ATP6V1A: variants seen among roughly 807,000 people sequenced by gnomAD.
ATP6V1A encodes the protein ATPase H+ transporting V1 subunit A, also known as V-type proton ATPase catalytic subunit A.
ATP6V1A carries 18 observed loss-of-function variants against 70.1 expected under a neutral mutation model. The observed-to-expected ratio is 0.26, with a 90% CI of 0.18 to 0.38. ATP6V1A has a LOEUF of 0.38. Among genes scored for constraint, ATP6V1A ranks in the 10% least tolerant of loss-of-function variants. ATP6V1A has a pLI of 1.00. For missense variants in ATP6V1A, 424 were observed against 772.4 expected (o/e 0.55, Z 5.35); for synonymous variants, 232 against 253.8 (o/e 0.91, Z 0.82).
Position 113,784,443 on chromosome 3 carries a change from G to A in ATP6V1A, c.426+5G>A. The A allele has an allele frequency of 6.3e-7, 1 of 1,598,234 alleles. No individual in the cohort carries two copies. Among genetic ancestry groups the A allele is most frequent in the Non-Finnish European group, 8.6e-7 (1 of 1,166,700 alleles). On this transcript the variant is annotated splice_donor_5th_base_variant and intron_variant, in intron 4 of 14. Coordinates refer to ENST00000273398, the MANE Select transcript of ATP6V1A (RefSeq NM_001690.4). ...ACACCTTGCAAAAACCTACGGGTATGTCTGTGTAACCAAGAATTTCTGAAG... is the reference window on the plus strand; with the variant it reads ...ACACCTTGCAAAAACCTACGGGTATATCTGTGTAACCAAGAATTTCTGAAG...
intron 1 of ATP6V1A, among the ~76,000 whole-genome samples, chr3:113,774,766 T>G (rs1389708120): frequency 6.6e-6 from 1 of 151,356 alleles, no homozygotes; most frequent in Non-Finnish European, 1.5e-5. Flanking sequence ...TGAGCCGAGA[T>G]TGCACCACTG....
chr3:113,756,371 G>A (rs919759685), intron 1 of ATP6V1A, among the ~76,000 whole-genome samples: 2 of 152,154 alleles, frequency 1.3e-5, no homozygotes, highest in Non-Finnish European at 2.9e-5. Flanking sequence ...CCTAGAAATG[G>A]ACTAGCCATG....
At chr3:113,747,840 T>G (rs1426195964) in intron 1 of ATP6V1A, among the ~76,000 whole-genome samples, 1 of 152,016 alleles carries the variant, frequency 6.6e-6, no homozygotes, top group Non-Finnish European at 1.5e-5. Flanking sequence ...GGTATTGTGG[T>G]GTTGTGGTGT....
chr3:113,785,897 G>A (rs1477048246), intron 5 of ATP6V1A, among the ~76,000 whole-genome samples: 1 of 144,410 alleles, frequency 6.9e-6, no homozygotes, highest in Non-Finnish European at 1.5e-5. Context: ...AGGAGATGGG[G>A]TGTCACTATG....
chr3:113,790,246 C>T (rs948323750), intron 8 of ATP6V1A, among the ~76,000 whole-genome samples: 2 of 141,840 alleles, frequency 1.4e-5, no homozygotes, highest in South Asian at 4.4e-4. Context: ...GAGGTTGCAG[C>T]GAGCCGAGAT....
chr3:113,774,343 A>G (rs903479827), intron 1 of ATP6V1A, among the ~76,000 whole-genome samples: 5 of 152,324 alleles, frequency 3.3e-5, no homozygotes, highest in African/African-American at 1.2e-4. Flanking sequence ...TATTAATAGA[A>G]TAAAATTAGT....
intron 11 of ATP6V1A, among the ~76,000 whole-genome samples, chr3:113,797,274 TG>T (rs1434459804): frequency 2.9e-5 from 4 of 140,232 alleles, no homozygotes; most frequent in Non-Finnish European, 6.1e-5. Context: ...TTTTTTGAGA[TG>T]GAATCTCACC....
intron 1 of ATP6V1A, among the ~76,000 whole-genome samples, chr3:113,764,981 C>A: frequency 6.9e-6 from 1 of 144,988 alleles, no homozygotes; most frequent in African/African-American, 2.6e-5. Context: ...AAGCCAGACC[C>A]AGACCCTGTC....
At chr3:113,762,745 TC>T (rs1708719964) in intron 1 of ATP6V1A, among the ~76,000 whole-genome samples, 2 of 152,278 alleles carry the variant, frequency 1.3e-5, no homozygotes, top group South Asian at 4.2e-4. Context: ...ATAAGAAATT[TC>T]ATTATTATTA....
chr3:113,781,689 A>C (rs897706660), intron 3 of ATP6V1A, among the ~76,000 whole-genome samples: 6 of 152,214 alleles, frequency 3.9e-5, no homozygotes, highest in African/African-American at 1.4e-4. Flanking sequence ...TATTTTAAGA[A>C]ATTAGTATCT....
intron 10 of ATP6V1A, among the ~76,000 whole-genome samples, chr3:113,795,406 A>G (rs923281891): frequency 6.6e-6 from 1 of 152,008 alleles, no homozygotes; most frequent in African/African-American, 2.4e-5. Flanking sequence ...TCCTGGTTCC[A>G]TAGGTTTGAC....
At chr3:113,782,095 A>C (rs1708982605) in intron 3 of ATP6V1A, among the ~76,000 whole-genome samples, 1 of 152,192 alleles carries the variant, frequency 6.6e-6, no homozygotes, top group South Asian at 2.1e-4. Flanking sequence ...ATCAGCATTA[A>C]TTCTTTGAGT....
chr3:113,786,545 T>C (rs1205123912), intron 6 of ATP6V1A, among the ~76,000 whole-genome samples, 162 bp downstream of exon 6: 1 of 152,088 alleles, frequency 6.6e-6, no homozygotes, highest in East Asian at 1.9e-4. Flanking sequence ...CTAGCACTTA[T>C]TATAAATTCA....
In ATP6V1A at chr3:113,752,547, C is replaced by A. The variant is rs543225444; in HGVS notation, c.-14+5434C>A. On this transcript the variant is annotated intron_variant, in intron 1 of 14. Transcript: ENST00000273398. ...GGAAAATTAAGGCACCTAAATAATT[C>A]TTTCATCTTAACTACTTGGATATCT... Among the ~76,000 whole-genome samples the A allele has an allele frequency of 1.2e-4, 18 of 151,986 alleles. 2 individuals are homozygous for A. The highest frequency in any genetic ancestry group is 4.1e-4 in the African/African-American group (17 of 41,524).
chr3:113,793,931 G>A (rs935887977), intron 8 of ATP6V1A, among the ~76,000 whole-genome samples: 5 of 151,752 alleles, frequency 3.3e-5, no homozygotes, highest in African/African-American at 9.7e-5. Flanking sequence ...GTTTCATAGC[G>A]CTTTGTACTT....
In ATP6V1A at chr3:113,778,846, C is replaced by A; in HGVS notation, c.82+11C>A. On this transcript the variant is annotated intron_variant, in intron 2 of 14. Coordinates refer to ENST00000273398, the MANE Select transcript of ATP6V1A (RefSeq NM_001690.4). ...GGGTCTCAGGACCTGGTAAGTAATA[C>A]ATCATAATCTCAAAATAAGGATATC... The A allele has an allele frequency of 6.7e-7, 1 of 1,502,236 alleles. No homozygotes were observed. Among genetic ancestry groups the A allele is most frequent in the Middle Eastern group, 1.9e-4 (1 of 5,394 alleles). 93.1% of individuals were successfully genotyped at this position (1,502,236 alleles called of 1,614,324 possible).
In ATP6V1A at chr3:113,786,383, C is replaced by T. The variant is rs753834280; in HGVS notation, c.716C>T (p.Pro239Leu). ...CAGAGAGTCCTTGATGCCCTTTTTC[C>T]GTAAGTTTGAGATGTGTCCCACGAT... is the stretch of plus-strand genomic sequence containing the variant. ...TGQRVLDALFPCVQGGTTAIP... is the reference protein window; with the variant it reads ...TGQRVLDALFLCVQGGTTAIP... Residue 239 changes from proline (P) to leucine (L), a missense_variant and splice_region_variant, in exon 6 of 15, where the codon CCG (proline) becomes CTG (leucine). Around this residue, in one of 9 missense-constraint regions of ATP6V1A, gnomAD observed 22 missense variants for 45.6 expected, o/e 0.48. Coordinates refer to ENST00000273398, the MANE Select transcript of ATP6V1A (RefSeq NM_001690.4). 6 of 1,612,628 alleles carry T rather than the reference C, an allele frequency of 3.7e-6. No homozygotes were observed. The highest frequency in any genetic ancestry group is 5.1e-6 in the Non-Finnish European group (6 of 1,179,222).
chr3:113,758,820 T>A (rs1708672353), intron 1 of ATP6V1A, among the ~76,000 whole-genome samples: 1 of 152,230 alleles, frequency 6.6e-6, no homozygotes, highest in South Asian at 2.1e-4. Flanking sequence ...TTGTTCTACA[T>A]CCTTACCAAC....
At chr3:113,789,002 T>A (rs1005433230) in intron 7 of ATP6V1A, 127 bp downstream of exon 7, 12 of 833,502 alleles carry the variant, frequency 1.4e-5, no homozygotes, top group Non-Finnish European at 2.0e-5. Context: ...TAAGGAATTT[T>A]AAAATTATAT....
Sources: allele counts gnomAD v4.1 joint callset (sites outside exome capture counted in the v4.1 genomes callset), GRCh38; gene constraint gnomAD v4.1.1; regional missense constraint gnomAD v4.1.1; transcripts MANE v1.5; gene names NCBI Gene and HGNC (gene_info 2026-07-23, HGNC 2026-07-21).